Variants in CSMD1 observed in about 807,000 individuals in gnomAD.
CSMD1 encodes the protein CUB and Sushi multiple domains 1, also known as CUB and sushi domain-containing protein 1.
In CSMD1, 213 loss-of-function variants were observed where a neutral mutation model predicts 417.5. The ratio of observed to expected loss-of-function variants is 0.51; its 90% CI spans 0.46 to 0.57. The LOEUF is 0.57. CSMD1 is among the 20% of genes least tolerant of loss of function. The probability of loss-of-function intolerance (pLI) is 0.00; values close to 1 mark genes in which losing one functional copy is unlikely to be tolerated. For missense variants in CSMD1, 6,923 were observed against 4,529.7 expected, an observed-to-expected ratio of 1.53 and a Z score of -15.17; for synonymous variants, 2,862 against 1,736.8, an observed-to-expected ratio of 1.65 and a Z score of -16.11.
intron 1 of CSMD1, among the ~76,000 whole-genome samples, chr8:4,961,792 A>G (rs1246320076): frequency 6.6e-6 from 1 of 151,914 alleles, no homozygotes; most frequent in East Asian, 1.9e-4. Flanking sequence ...CTCTTTTTGT[A>G]TTGTTTGACA....
At chr8:3,301,137 T>A (rs1030564435) in intron 25 of CSMD1, among the ~76,000 whole-genome samples, 15 of 152,154 alleles carry the variant, frequency 9.9e-5, no homozygotes, top group Non-Finnish European at 4.4e-5. Context: ...TGTTTTTTTT[T>A]AATTTTTTCA....
At chr8:4,323,263 G>C (rs549738785) in intron 3 of CSMD1, among the ~76,000 whole-genome samples, 1 of 152,280 alleles carries the variant, frequency 6.6e-6, no homozygotes, top group East Asian at 1.9e-4. Flanking sequence ...TGCTTAAACG[G>C]AAGTTCTGTA....
intron 7 of CSMD1, among the ~76,000 whole-genome samples, chr8:3,667,992 A>G (rs566259176): frequency 6.6e-6 from 1 of 152,112 alleles, no homozygotes; most frequent in Non-Finnish European, 1.5e-5. Context: ...CCCGATCAAT[A>G]TGAGTGTCTG....
intron 1 of CSMD1, among the ~76,000 whole-genome samples, chr8:4,743,959 C>A (rs891517733): frequency 1.3e-5 from 2 of 152,204 alleles, no homozygotes; most frequent in East Asian, 3.9e-4. Context: ...CAGAGTGATT[C>A]CATGAGATGA....
Position 2,963,388 on chromosome 8 carries a change from C to T in CSMD1, c.9288G>A (p.Leu3096=), listed in dbSNP as rs766912900. The T allele has an allele frequency of 5.0e-6, 8 of 1,613,814 alleles. No homozygotes were observed. In the Middle Eastern group the frequency reaches 5.0e-4, roughly 100 times the overall value. The part of the protein sequence containing the change: ...NPSKPVCKAV[L]CPQPPPVQNG... Reference sequence around the variant, plus strand: ...TCTGCACCGGCGGCGGCTGAGGACACAGCACGGCTATTTCCAAAGAACAAA... The same window carrying T: ...TCTGCACCGGCGGCGGCTGAGGACATAGCACGGCTATTTCCAAAGAACAAA... The change falls in exon 60 of 70, where the codon CTG becomes CTA. Residue 3096 remains leucine (L), a synonymous_variant. Transcript: ENST00000635120.
intron 15 of CSMD1, among the ~76,000 whole-genome samples, chr8:3,404,509 T>C (rs1812232007): frequency 6.6e-6 from 1 of 152,098 alleles, no homozygotes. Flanking sequence ...TTAGAGTCCT[T>C]GATAGAGATG....
At position 2,966,707 on chromosome 8, in the gene CSMD1, A is replaced by T; in HGVS notation, c.8963T>A (p.Met2988Lys). The T allele has an allele frequency of 6.2e-7, 1 of 1,613,818 alleles. No individual in the cohort carries two copies. The highest frequency in any genetic ancestry group is 8.5e-7 in the Non-Finnish European group (1 of 1,179,834). ...CAGAATGCCATCACTACTGACAATC[A>T]TTCCGTTGGTGGGTGTGCCAGGGTT... ...CGNPGTPTNG[M>K]IVSSDGILFS... is the part of the protein sequence containing the mutation. Residue 2988 changes from methionine to lysine, a missense_variant, in exon 58 of 70, where the codon ATG becomes AAG. Physicochemically the swap from Met to Lys is moderately conservative, Grantham distance 95. Transcript: ENST00000635120.
intron 2 of CSMD1, among the ~76,000 whole-genome samples, chr8:4,590,581 A>G (rs1799937339): frequency 6.6e-6 from 1 of 152,120 alleles, no homozygotes; most frequent in African/African-American, 2.4e-5. Context: ...AATATAAATT[A>G]GAAATATACT....
At chr8:4,221,475 G>A (rs1306713258) in intron 3 of CSMD1, among the ~76,000 whole-genome samples, 4 of 152,076 alleles carry the variant, frequency 2.6e-5, no homozygotes, top group Non-Finnish European at 4.4e-5. Flanking sequence ...TGATAAAGCT[G>A]AAATTTAAAT....
intron 5 of CSMD1, among the ~76,000 whole-genome samples, chr8:3,950,178 G>C (rs1366190851): frequency 2.6e-5 from 4 of 152,118 alleles, no homozygotes; most frequent in African/African-American, 4.8e-5. Flanking sequence ...TAAACCACAA[G>C]ACCCTAGAGG....
intron 3 of CSMD1, among the ~76,000 whole-genome samples, chr8:4,058,813 AG>A (rs1004989334): frequency 6.0e-5 from 9 of 151,030 alleles, no homozygotes; most frequent in African/African-American, 2.2e-4. Flanking sequence ...TGACCTACAA[AG>A]AGACTTAGAC....
At chr8:4,194,605 T>C (rs564694859) in intron 3 of CSMD1, among the ~76,000 whole-genome samples, 2 of 152,248 alleles carry the variant, frequency 1.3e-5, no homozygotes, top group African/African-American at 4.8e-5. Flanking sequence ...GACATTAATT[T>C]GCTAACAGAG....
chr8:4,405,048 G>C (rs1804913971), intron 3 of CSMD1, among the ~76,000 whole-genome samples: 1 of 152,228 alleles, frequency 6.6e-6, no homozygotes, highest in East Asian at 1.9e-4. Context: ...TCGTGACTAT[G>C]CTGGACACTT....
chr8:4,113,257 C>T (rs1801954058), intron 3 of CSMD1, among the ~76,000 whole-genome samples: 1 of 152,050 alleles, frequency 6.6e-6, no homozygotes. Context: ...AAGGACTGCA[C>T]ATCTCTCATT....
At chr8:3,887,001 C>G (rs1585141943) in intron 5 of CSMD1, among the ~76,000 whole-genome samples, 1 of 152,136 alleles carries the variant, frequency 6.6e-6, no homozygotes, top group Admixed American at 6.6e-5. Context: ...CATTGATCAC[C>G]TGGTACCACA....
chr8:3,600,077 A>C lies in CSMD1; in HGVS notation c.1098-13817T>G, dbSNP rs578007856. Among the ~76,000 whole-genome samples, 286 of 152,306 alleles carry C rather than the reference A, an allele frequency of 1.9e-3. 3 individuals carry two copies. Among genetic ancestry groups the C allele is most frequent in the African/African-American group, 6.7e-3 (280 of 41,562 alleles). Reference sequence around the variant, plus strand: ...TAGAGCTGGTTCTGAATGCTTGCTGAACACTTAAGAAAAGTCTAGCAGGTA... The same window carrying C: ...TAGAGCTGGTTCTGAATGCTTGCTGCACACTTAAGAAAAGTCTAGCAGGTA... On this transcript the variant is annotated intron_variant, in intron 8 of 69. Coordinates refer to ENST00000635120, the MANE Select transcript of CSMD1 (RefSeq NM_033225.6).
chr8:3,836,071 TTTC>T (rs1484460926), intron 5 of CSMD1, among the ~76,000 whole-genome samples: 5 of 152,126 alleles, frequency 3.3e-5, no homozygotes, highest in Non-Finnish European at 7.4e-5. Context: ...ATGTCTCTAA[TTTC>T]TTAATTATCT....
chr8:4,086,706 C>A (rs531516383), intron 3 of CSMD1, among the ~76,000 whole-genome samples: 16 of 152,164 alleles, frequency 1.1e-4, no homozygotes, highest in Admixed American at 7.9e-4. Context: ...CTTCAGGTAC[C>A]CAGGTAGATA....
At chr8:3,315,378 T>C (rs2117443356) in intron 23 of CSMD1, among the ~76,000 whole-genome samples, 1 of 152,122 alleles carries the variant, frequency 6.6e-6, no homozygotes, top group Admixed American at 6.6e-5. Context: ...AAATGTGTGA[T>C]TGTTCCATGT....
Sources: allele counts gnomAD v4.1 joint callset (sites outside exome capture counted in the v4.1 genomes callset), GRCh38; gene constraint gnomAD v4.1.1; transcripts MANE v1.5; gene names NCBI Gene and HGNC (gene_info 2026-07-23, HGNC 2026-07-21).